UBE2R2: variants seen among roughly 807,000 people sequenced by gnomAD.
UBE2R2 encodes the protein ubiquitin conjugating enzyme E2 R2.
In UBE2R2, 1 loss-of-function variant was observed where a neutral mutation model predicts 27.8. The observed-to-expected ratio is 0.04, with a 90% CI of 0.01 to 0.17. UBE2R2 has a LOEUF of 0.17. Ranked by LOEUF, UBE2R2 falls within the 10% of genes least tolerant of loss-of-function variation. The probability of loss-of-function intolerance (pLI) is 1.00; values close to 1 mark genes in which losing one functional copy is unlikely to be tolerated. For missense variants in UBE2R2, 100 were observed against 291.0 expected (o/e 0.34, Z 4.78); for synonymous variants, 106 against 113.3 (o/e 0.94, Z 0.41).
At chr9:33,856,810 C>T (rs1804976630) in intron 1 of UBE2R2, among the ~76,000 whole-genome samples, 1 of 148,250 alleles carries the variant, frequency 6.7e-6, no homozygotes, top group Non-Finnish European at 1.5e-5. Context: ...TCTGTCCTTC[C>T]GTCCTTCCAT....
chr9:33,880,886 C>T (rs1821718667), intron 1 of UBE2R2, among the ~76,000 whole-genome samples: 1 of 152,094 alleles, frequency 6.6e-6, no homozygotes, highest in South Asian at 2.1e-4. Flanking sequence ...AGTTTCATCC[C>T]GAAACACCCA....
intron 4 of UBE2R2, among the ~76,000 whole-genome samples, chr9:33,913,187 C>CT (rs1455784352): frequency 6.6e-6 from 1 of 152,142 alleles, no homozygotes; most frequent in Admixed American, 6.5e-5. Context: ...TCTCGAACTC[C>CT]TGACCTCATG....
chr9:33,831,094 AAAAG>A (rs1365905882), intron 1 of UBE2R2: 1 of 143,884 alleles, frequency 7.0e-6, no homozygotes, highest in African/African-American at 2.5e-5. Flanking sequence ...AAAAAAAAAA[AAAAG>A]AATAGGTAAA....
In UBE2R2 at chr9:33,920,159, T is replaced by C. The variant is rs1200013558; in HGVS notation, c.*2922T>C. ...TCCCATCCTGATAAAACAAACAAGG[T>C]TTACATTTACAACTAAAAGGATTCA... On this transcript the variant is annotated 3_prime_UTR_variant, in exon 5 of 5. Transcript: ENST00000263228. 6.6e-6 allele frequency: 1 copy of C among 152,048 alleles called. No homozygotes were observed. Among genetic ancestry groups the C allele is most frequent in the Admixed American group, 6.6e-5 (1 of 15,208 alleles). 9.4% of individuals were successfully genotyped at this position (152,048 alleles called of 1,614,324 possible). A position where few individuals can be genotyped will look rare whatever the true frequency, so the allele number is the denominator to read the frequency against.
chr9:33,914,378 G>A (rs1224084008), intron 4 of UBE2R2, among the ~76,000 whole-genome samples: 1 of 152,182 alleles, frequency 6.6e-6, no homozygotes, highest in African/African-American at 2.4e-5. Context: ...ATGCTTGAGT[G>A]TAAATTCTGA....
At chr9:33,911,338 G>A (rs914449023) in intron 3 of UBE2R2, among the ~76,000 whole-genome samples, 5 of 135,498 alleles carry the variant, frequency 3.7e-5, no homozygotes, top group Non-Finnish European at 6.2e-5. Context: ...CTTGAACCTG[G>A]GATGTGGAGG....
chr9:33,911,374 C>G (rs1320811952), intron 3 of UBE2R2, among the ~76,000 whole-genome samples: 1 of 120,652 alleles, frequency 8.3e-6, no homozygotes, highest in Non-Finnish European at 1.6e-5. Context: ...TGCACTCCAG[C>G]CTGGGGAACA....
intron 1 of UBE2R2, among the ~76,000 whole-genome samples, chr9:33,879,514 C>T (rs1017501687): frequency 2.0e-5 from 3 of 151,970 alleles, no homozygotes; most frequent in Non-Finnish European, 4.4e-5. Context: ...AGTGCAGTGG[C>T]GTGATCACAG....
chr9:33,837,462 G>C (rs1487410485), intron 1 of UBE2R2, among the ~76,000 whole-genome samples: 1 of 138,438 alleles, frequency 7.2e-6, no homozygotes, highest in African/African-American at 2.7e-5. Flanking sequence ...CTCTTGCTCT[G>C]CTGCCTAAGC....
At chr9:33,863,741 G>A (rs944390611) in intron 1 of UBE2R2, among the ~76,000 whole-genome samples, 3 of 152,096 alleles carry the variant, frequency 2.0e-5, no homozygotes, top group African/African-American at 4.8e-5. Context: ...CTGCTGGAGT[G>A]CAGTGGCATG....
intron 1 of UBE2R2, among the ~76,000 whole-genome samples, chr9:33,831,940 C>T (rs1011709206): frequency 6.6e-6 from 1 of 151,766 alleles, no homozygotes; most frequent in Admixed American, 6.6e-5. Flanking sequence ...GGATTACTGG[C>T]GTGTGCCACC....
intron 3 of UBE2R2, among the ~76,000 whole-genome samples, chr9:33,907,714 C>T (rs1353629754): frequency 6.6e-6 from 1 of 152,040 alleles, no homozygotes; most frequent in Non-Finnish European, 1.5e-5. Context: ...TTTGCTAGTC[C>T]AACCTCTTGT....
chr9:33,918,690 T>C lies in UBE2R2; in HGVS notation c.*1453T>C, dbSNP rs991240097. 1.3e-5 allele frequency: 2 copies of C among 152,572 alleles called. No individual in the cohort carries two copies. The highest frequency in any genetic ancestry group is 6.6e-5 in the Admixed American group (1 of 15,266). The allele number at this position is 152,572 out of a possible 1,614,324, so 9.5% of individuals were successfully genotyped here. A position where few individuals can be genotyped will look rare whatever the true frequency, so the allele number is the denominator to read the frequency against. ...CATTATTTGGAGGAAACCGCTATAATGTAAAATCAGATTTCAGAAGGAAAA... is the reference window on the plus strand; with the variant it reads ...CATTATTTGGAGGAAACCGCTATAACGTAAAATCAGATTTCAGAAGGAAAA... On this transcript the variant is annotated 3_prime_UTR_variant, in exon 5 of 5. Transcript: ENST00000263228.
chr9:33,854,844 G>T (rs1011276445), intron 1 of UBE2R2, among the ~76,000 whole-genome samples: 15 of 151,206 alleles, frequency 9.9e-5, no homozygotes, highest in African/African-American at 3.4e-4. Context: ...TTAGCCTCCT[G>T]GGTAGCTGGG....
chr9:33,835,443 G>A (rs531401137), intron 1 of UBE2R2, among the ~76,000 whole-genome samples: 1 of 152,034 alleles, frequency 6.6e-6, no homozygotes, highest in Non-Finnish European at 1.5e-5. Context: ...CACTGAGCCC[G>A]GCCTAAGTGT....
chr9:33,818,012 A>G, intron 1 of UBE2R2, 78 bp downstream of exon 1: 1 of 1,527,390 alleles, frequency 6.5e-7, no homozygotes, highest in Non-Finnish European at 8.8e-7. Context: ...AGTTCCTGGG[A>G]CCAGGAGTAT....
intron 1 of UBE2R2, among the ~76,000 whole-genome samples, chr9:33,838,631 T>C (rs553485012): frequency 1.3e-5 from 2 of 152,242 alleles, no homozygotes; most frequent in East Asian, 3.9e-4. Context: ...TATGGATTCT[T>C]AATTTACTAC....
At position 33,905,443 on chromosome 9, in the gene UBE2R2, T is replaced by A. The variant is rs1273213717; in HGVS notation, c.362+5172T>A. Among the ~76,000 whole-genome samples, 22 of 152,200 alleles carry A rather than the reference T, an allele frequency of 1.4e-4. 1 individual carries two copies. Among genetic ancestry groups the A allele is most frequent in the Non-Finnish European group, 2.4e-4 (16 of 68,024 alleles). On this transcript the variant is annotated intron_variant, in intron 3 of 4. Transcript: ENST00000263228. ...GGTTTTATTTATTTGCTTCCTTGGTTTTTGTGCATGGGGTCCCACTGCCCT... is the reference window on the plus strand; with the variant it reads ...GGTTTTATTTATTTGCTTCCTTGGTATTTGTGCATGGGGTCCCACTGCCCT...
chr9:33,866,174 G>A (rs1821358382), intron 1 of UBE2R2, among the ~76,000 whole-genome samples: 1 of 151,498 alleles, frequency 6.6e-6, no homozygotes. Flanking sequence ...ATTCATCCCT[G>A]AACTCTGACA....
Sources: allele counts gnomAD v4.1 joint callset (sites outside exome capture counted in the v4.1 genomes callset), GRCh38; gene constraint gnomAD v4.1.1; transcripts MANE v1.5; gene names NCBI Gene and HGNC (gene_info 2026-07-23, HGNC 2026-07-21).